Variants in ZNF385C observed in about 807,000 individuals in gnomAD.
ZNF385C encodes the protein CTD-2132N18.2.
In ZNF385C, 28 loss-of-function variants were observed where a neutral mutation model predicts 35.4. The ratio of observed to expected loss-of-function variants is 0.79; its 90% CI spans 0.59 to 1.08. The LOEUF (loss-of-function observed/expected upper bound fraction) is 1.08, where lower values mean the gene tolerates loss of function less well. ZNF385C is among the 50% of genes least tolerant of loss of function. The probability of loss-of-function intolerance (pLI) is 0.00; values close to 1 mark genes in which losing one functional copy is unlikely to be tolerated. For synonymous variants in ZNF385C, 248 were observed against 248.2 expected (o/e 1.00, Z 0.01); for missense variants, 605 against 595.6 (o/e 1.02, Z -0.16).
At chr17:42,077,770 C>T (rs557130521) in intron 1 of ZNF385C, among the ~76,000 whole-genome samples, 10 of 152,228 alleles carry the variant, frequency 6.6e-5, no homozygotes, top group Non-Finnish European at 1.3e-4. Flanking sequence ...GGAGAGGCCC[C>T]AACAGTGGGT....
chr17:42,070,499 G>A (rs1048638944), intron 1 of ZNF385C, among the ~76,000 whole-genome samples: 1 of 152,184 alleles, frequency 6.6e-6, no homozygotes, highest in Non-Finnish European at 1.5e-5. Flanking sequence ...TGGGAGAAAG[G>A]CAGGGTGGGT....
chr17:42,090,286 T>C (rs1240309690), intron 1 of ZNF385C, among the ~76,000 whole-genome samples: 5 of 137,000 alleles, frequency 3.6e-5, no homozygotes, highest in Non-Finnish European at 3.1e-5. Flanking sequence ...CCTTTTTTTT[T>C]TTTTTTTTTT....
rs551364966 is a variant in ZNF385C at position 42,058,459 on chromosome 17, G to C, written c.250+4348C>G. Among the ~76,000 whole-genome samples the C allele has an allele frequency of 3.9e-5, 6 of 152,300 alleles. No individual in the cohort carries two copies. In the East Asian group the frequency reaches 5.8e-4, roughly 15 times the overall value. On this transcript the variant is annotated intron_variant, in intron 2 of 8. Transcript: ENST00000692273. ...CCCACACTTAGCCTCAGCCTCCCTG[G>C]AATGGCTGTGGCCCTCTGCATTTTC...
intron 2 of ZNF385C, chr17:42,039,783 G>A: frequency 1.6e-6 from 2 of 1,232,274 alleles, no homozygotes; most frequent in Non-Finnish European, 2.0e-6. Context: ...AGTCAAACTC[G>A]TGCAGCGGGG....
chr17:42,093,385 A>G lies in ZNF385C; in HGVS notation c.-3+5025T>C, dbSNP rs532436752. Among the ~76,000 whole-genome samples the G allele has an allele frequency of 1.3e-4, 20 of 152,172 alleles. No individual in the cohort carries two copies. The South Asian group carries it at 4.2e-3, about 32-fold the overall frequency. ...GTTCAAGGTCAATCAGGTCAACCAG[A>G]CAGACAAGGGGCTCTATCCCTTATC... On this transcript the variant is annotated intron_variant, in intron 1 of 8. Transcript: ENST00000692273.
At chr17:42,097,482 G>T (rs545003708) in intron 1 of ZNF385C, among the ~76,000 whole-genome samples, 71 of 152,224 alleles carry the variant, frequency 4.7e-4, no homozygotes, top group African/African-American at 1.6e-3. Context: ...CCAAAGGCTT[G>T]CGATGATCTC....
chr17:42,089,229 T>C (rs1555660314), intron 1 of ZNF385C, among the ~76,000 whole-genome samples: 1 of 151,952 alleles, frequency 6.6e-6, no homozygotes, highest in Non-Finnish European at 1.5e-5. Context: ...GGTGGGAGGA[T>C]AGCTTGAACC....
Position 42,028,997 on chromosome 17 carries a change from G to C in ZNF385C, c.753C>G (p.His251Gln). The change falls in exon 6 of 9, where the codon CAC becomes CAG. Residue 251 changes from histidine to glutamine, a missense_variant. By Grantham distance (24) the His-to-Gln change is conservative. Coordinates refer to ENST00000692273, the MANE Select transcript of ZNF385C (RefSeq NM_001392013.1). Reference sequence around the variant, plus strand: ...AGGAGGCAGCATCCAAGAGCTCTGAGTGGGCTGGCTCCCTGCATGTAGGGT... The same window carrying C: ...AGGAGGCAGCATCCAAGAGCTCTGACTGGGCTGGCTCCCTGCATGTAGGGT... ...TPDPTCREPA[H>Q]SELLDAASSS... 1 of 1,550,562 alleles carries C rather than the reference G, an allele frequency of 6.4e-7. No homozygotes were observed. The highest frequency in any genetic ancestry group is 8.7e-7 in the Non-Finnish European group (1 of 1,147,022).
In ZNF385C at chr17:42,062,804, G is replaced by T; in HGVS notation, c.250+3C>A. The T allele has an allele frequency of 1.7e-6, 1 of 599,618 alleles. No individual in the cohort carries two copies. Among genetic ancestry groups the T allele is most frequent in the Non-Finnish European group, 3.0e-6 (1 of 336,332 alleles). 37.1% of individuals were successfully genotyped at this position (599,618 alleles called of 1,614,324 possible). ...GTGGGAGCAGCGTCCCCTCTACACT[G>T]ACCTGGCCCTGAGGGGCTCTTCCCC... On this transcript the variant is annotated splice_donor_region_variant and intron_variant, in intron 2 of 8. Coordinates refer to ENST00000692273, the MANE Select transcript of ZNF385C (RefSeq NM_001392013.1).
chr17:42,038,028 G>T, intron 2 of ZNF385C, 143 bp from the exon 3 acceptor site: 1 of 1,536,228 alleles, frequency 6.5e-7, no homozygotes, highest in South Asian at 1.2e-5. Flanking sequence ...CAGACCCATA[G>T]TGATTATAGC....
chr17:42,096,318 G>C (rs1211207475), intron 1 of ZNF385C, among the ~76,000 whole-genome samples: 1 of 152,236 alleles, frequency 6.6e-6, no homozygotes, highest in Non-Finnish European at 1.5e-5. Context: ...CATCTAGGCA[G>C]GGACCTCCAG....
intron 2 of ZNF385C, among the ~76,000 whole-genome samples, chr17:42,060,797 C>T (rs2053448779): frequency 6.6e-6 from 1 of 152,166 alleles, no homozygotes; most frequent in Non-Finnish European, 1.5e-5. Flanking sequence ...CTCACTGCAG[C>T]CTCCACCTCC....
At chr17:42,058,454 C>G (rs2053413546) in intron 2 of ZNF385C, among the ~76,000 whole-genome samples, 1 of 152,230 alleles carries the variant, frequency 6.6e-6, no homozygotes, top group African/African-American at 2.4e-5. Context: ...GCCTCAGCCT[C>G]CCTGGAATGG....
At chr17:42,098,259 G>A (rs1481019600) in intron 1 of ZNF385C, among the ~76,000 whole-genome samples, 151 bp downstream of exon 1, 1 of 152,208 alleles carries the variant, frequency 6.6e-6, no homozygotes, top group Non-Finnish European at 1.5e-5. Context: ...GCCCAACGTC[G>A]GCGCTCAGAG....
At chr17:42,061,872 A>G (rs950170525) in intron 2 of ZNF385C, 4 of 153,028 alleles carry the variant, frequency 2.6e-5, no homozygotes, top group Non-Finnish European at 5.9e-5. Context: ...GACCCACTCA[A>G]TCTTGGGGAG....
chr17:42,066,342 G>A (rs1426491289), intron 1 of ZNF385C, among the ~76,000 whole-genome samples: 1 of 152,186 alleles, frequency 6.6e-6, no homozygotes, highest in Non-Finnish European at 1.5e-5. Flanking sequence ...ACAAGCGTGA[G>A]CCACTGGTGC....
intron 4 of ZNF385C, among the ~76,000 whole-genome samples, chr17:42,033,318 T>C (rs1271650451): frequency 2.6e-5 from 4 of 152,228 alleles, no homozygotes; most frequent in Non-Finnish European, 5.9e-5. Flanking sequence ...GGGTAGGCTG[T>C]AGTAGAAAGT....
intron 5 of ZNF385C, among the ~76,000 whole-genome samples, chr17:42,030,323 A>C (rs2052698397): frequency 6.6e-6 from 1 of 152,140 alleles, no homozygotes; most frequent in African/African-American, 2.4e-5. Flanking sequence ...CCCCGTTTCT[A>C]CTAAAAATAC....
intron 3 of ZNF385C, among the ~76,000 whole-genome samples, chr17:42,034,543 G>T (rs2052798980): frequency 6.6e-6 from 1 of 152,066 alleles, no homozygotes; most frequent in African/African-American, 2.4e-5. Flanking sequence ...ACTTTGGGAG[G>T]CCGAGGCAGG....
Sources: allele counts gnomAD v4.1 joint callset (sites outside exome capture counted in the v4.1 genomes callset), GRCh38; gene constraint gnomAD v4.1.1; transcripts MANE v1.5; gene names NCBI Gene and HGNC (gene_info 2026-07-23, HGNC 2026-07-21).